Variants in ASIC2 observed in about 807,000 individuals in gnomAD.
ASIC2 encodes the protein acid sensing ion channel subunit 2.
Under a neutral mutation model 57.3 loss-of-function variants are expected in ASIC2, and 25 were observed. The observed-to-expected ratio is 0.44, with a 90% confidence interval of 0.32 to 0.61. The LOEUF is 0.61. Among genes scored for constraint, ASIC2 ranks in the 20% least tolerant of loss-of-function variants. ASIC2 has a pLI of 0.06. For synonymous variants in ASIC2, 319 were observed against 307.5 expected (o/e 1.04, Z -0.39); for missense variants, 641 against 738.1 (o/e 0.87, Z 1.52).
intron 1 of ASIC2, among the ~76,000 whole-genome samples, chr17:33,592,399 G>A (rs1030316625): frequency 1.3e-5 from 2 of 152,196 alleles, no homozygotes; most frequent in Admixed American, 6.5e-5. Context: ...ATCTCATACC[G>A]GGGCATATGT....
At chr17:33,776,343 G>A (rs1340413300) in intron 1 of ASIC2, among the ~76,000 whole-genome samples, 1 of 152,136 alleles carries the variant, frequency 6.6e-6, no homozygotes, top group East Asian at 1.9e-4. Context: ...TAAGGTTACA[G>A]CAAAAAAATG....
intron 1 of ASIC2, among the ~76,000 whole-genome samples, chr17:34,083,161 A>G: frequency 7.5e-6 from 1 of 133,446 alleles, no homozygotes; most frequent in Non-Finnish European, 1.6e-5. Context: ...TCCCAGTGCT[A>G]TCCCTCCCCC....
chr17:33,218,308 A>C (rs979911512), intron 1 of ASIC2, among the ~76,000 whole-genome samples: 1 of 152,090 alleles, frequency 6.6e-6, no homozygotes, highest in Non-Finnish European at 1.5e-5. Flanking sequence ...TCTGAGGTGC[A>C]GAGAATTGGG....
At chr17:33,933,531 T>A in intron 1 of ASIC2, among the ~76,000 whole-genome samples, 1 of 152,202 alleles carries the variant, frequency 6.6e-6, no homozygotes. Flanking sequence ...AGAGCAGGAA[T>A]TGATTTCAGC....
chr17:33,510,718 C>A (rs1417706388), intron 1 of ASIC2, among the ~76,000 whole-genome samples: 1 of 152,218 alleles, frequency 6.6e-6, no homozygotes, highest in Admixed American at 6.5e-5. Context: ...GGAGCACACA[C>A]TGGCATTGTT....
At chr17:33,303,305 G>T (rs1348508779) in intron 1 of ASIC2, among the ~76,000 whole-genome samples, 1 of 152,168 alleles carries the variant, frequency 6.6e-6, no homozygotes, top group Non-Finnish European at 1.5e-5. Context: ...GCCTGAAGTG[G>T]GTTCTCAGTA....
chr17:34,042,255 C>T (rs543200431), intron 1 of ASIC2, among the ~76,000 whole-genome samples: 2 of 152,174 alleles, frequency 1.3e-5, no homozygotes, highest in African/African-American at 4.8e-5. Flanking sequence ...GCATATGTCC[C>T]CCCAAAACTT....
At chr17:33,752,395 AG>A (rs1263474993) in intron 1 of ASIC2, among the ~76,000 whole-genome samples, 1 of 152,068 alleles carries the variant, frequency 6.6e-6, no homozygotes, top group Non-Finnish European at 1.5e-5. Flanking sequence ...AAAAGTCAAA[AG>A]GTGGGGTGGT....
chr17:33,921,193 T>C (rs1915702304), intron 1 of ASIC2, among the ~76,000 whole-genome samples: 1 of 152,132 alleles, frequency 6.6e-6, no homozygotes, highest in African/African-American at 2.4e-5. Context: ...TGAGTTTGAG[T>C]CTAGACTCTT....
chr17:33,811,133 T>C (rs935729128), intron 1 of ASIC2, among the ~76,000 whole-genome samples: 3 of 152,216 alleles, frequency 2.0e-5, no homozygotes, highest in African/African-American at 4.8e-5. Flanking sequence ...AATGAGATTA[T>C]TTCAACCTGC....
chr17:33,914,891 C>T (rs1403699147), intron 1 of ASIC2, among the ~76,000 whole-genome samples: 1 of 152,156 alleles, frequency 6.6e-6, no homozygotes, highest in African/African-American at 2.4e-5. Context: ...GACAAGAATG[C>T]CCATAGGCCT....
At chr17:33,830,148 C>A (rs1168915368) in intron 1 of ASIC2, among the ~76,000 whole-genome samples, 3 of 152,110 alleles carry the variant, frequency 2.0e-5, no homozygotes, top group Non-Finnish European at 4.4e-5. Flanking sequence ...AATCTGGCTT[C>A]CTCAGATTTT....
rs1346697743 is a variant in ASIC2 at position 34,156,182 on chromosome 17, C to T, written c.351G>A (p.Leu117=). Residue 117 remains leucine, a synonymous_variant, in exon 1 of 10, where the codon CTG becomes CTA. Transcript: ENST00000359872. The surrounding 1 kb of genome is among the most constrained non-coding windows in gnomAD (Gnocchi z 4.4). ...GGTCCGGGATCTGCAGGTTGACATC[C>T]AGCAGGGCCAGCAGCTCCCCAGCAT... is the stretch of plus-strand genomic sequence containing the variant. 6.2e-7 allele frequency: 1 copy of T among 1,614,116 alleles called. No individual in the cohort carries two copies. Among genetic ancestry groups the T allele is most frequent in the Admixed American group, 1.7e-5 (1 of 60,026 alleles).
At chr17:34,053,530 G>A (rs1043252918) in intron 1 of ASIC2, among the ~76,000 whole-genome samples, 2 of 152,174 alleles carry the variant, frequency 1.3e-5, no homozygotes, top group Non-Finnish European at 2.9e-5. Context: ...AATAATAGGT[G>A]ACCTTTATTG....
chr17:33,549,225 G>A (rs1038416301), intron 1 of ASIC2, among the ~76,000 whole-genome samples: 1 of 152,084 alleles, frequency 6.6e-6, no homozygotes, highest in Non-Finnish European at 1.5e-5. Flanking sequence ...TCCTTTTAGC[G>A]CGAACACTTT....
intron 1 of ASIC2, among the ~76,000 whole-genome samples, chr17:33,270,614 G>A (rs1567805603): frequency 6.6e-6 from 1 of 152,206 alleles, no homozygotes; most frequent in Non-Finnish European, 1.5e-5. Context: ...CTGGGTGTGT[G>A]TGGTCCAGCC....
intron 2 of ASIC2, among the ~76,000 whole-genome samples, chr17:33,109,134 G>A (rs2092246782): frequency 6.6e-6 from 1 of 152,110 alleles, no homozygotes; most frequent in Non-Finnish European, 1.5e-5. Context: ...ACTACACATT[G>A]GGTACAGTGT....
chr17:34,077,733 C>G (rs899211206), intron 1 of ASIC2, among the ~76,000 whole-genome samples: 1 of 152,268 alleles, frequency 6.6e-6, no homozygotes, highest in African/African-American at 2.4e-5. Context: ...GCCATCACCT[C>G]CTTTTGAGCT....
intron 1 of ASIC2, among the ~76,000 whole-genome samples, chr17:34,095,663 A>ATATATATATATATAATTT (rs1567818973): frequency 5.9e-5 from 6 of 100,942 alleles, no homozygotes; most frequent in African/African-American, 9.1e-5. Flanking sequence ...ATAATTTTAT[A>ATATATATATATATAATTT]TATATATAGA....
Sources: allele counts gnomAD v4.1 joint callset (sites outside exome capture counted in the v4.1 genomes callset), GRCh38; gene constraint gnomAD v4.1.1; non-coding constraint Gnocchi (gnomAD v3.1); transcripts MANE v1.5; gene names NCBI Gene and HGNC (gene_info 2026-07-23, HGNC 2026-07-21).